The following IQSEC1 variants were observed in gnomAD, a reference collection of about 807,000 sequenced individuals.
IQSEC1 encodes the protein IQ motif and Sec7 domain ArfGEF 1.
In IQSEC1, 31 loss-of-function variants were observed where a neutral mutation model predicts 91.0. The observed-to-expected ratio is 0.34, with a 90% confidence interval of 0.26 to 0.46. The LOEUF is 0.46. Among genes scored for constraint, IQSEC1 ranks in the 20% least tolerant of loss-of-function variants. The pLI, the probability that IQSEC1 is intolerant of heterozygous loss-of-function variation, is 1.00. For synonymous variants in IQSEC1, 699 were observed against 662.6 expected (o/e 1.05, Z -0.84); for missense variants, 1,388 against 1,575.6 (o/e 0.88, Z 2.02).
chr3:13,062,162 C>T (rs545853391), intron 1 of IQSEC1, among the ~76,000 whole-genome samples: 26 of 152,292 alleles, frequency 1.7e-4, no homozygotes, highest in Middle Eastern at 3.4e-3. Flanking sequence ...CCGTTTGCCA[C>T]CCAAAGGCTC....
At chr3:13,126,769 T>G (rs186684450) in intron 2 of IQSEC1, among the ~76,000 whole-genome samples, 30 of 152,330 alleles carry the variant, frequency 2.0e-4, no homozygotes, top group African/African-American at 6.7e-4. Context: ...TTCTTTAATA[T>G]GCAATGATGC....
intron 1 of IQSEC1, among the ~76,000 whole-genome samples, chr3:13,189,908 C>T (rs1693992992): frequency 1.3e-5 from 2 of 152,226 alleles, no homozygotes; most frequent in Non-Finnish European, 2.9e-5. Context: ...GGCCCTCATC[C>T]TGTTGCTGAC....
At chr3:13,258,599 T>C (rs917956878) in intron 1 of IQSEC1, among the ~76,000 whole-genome samples, 2 of 151,950 alleles carry the variant, frequency 1.3e-5, no homozygotes, top group African/African-American at 2.4e-5. Flanking sequence ...GGTGGGAGGA[T>C]CACTTGAGCG....
At chr3:12,999,547 C>A (rs577610099) in intron 1 of IQSEC1, among the ~76,000 whole-genome samples, 1 of 152,144 alleles carries the variant, frequency 6.6e-6, no homozygotes, top group African/African-American at 2.4e-5. Flanking sequence ...CAGCACTGGG[C>A]GCCCACGTGG....
intron 1 of IQSEC1, among the ~76,000 whole-genome samples, chr3:12,984,464 C>T (rs1184530081): frequency 6.6e-6 from 1 of 152,200 alleles, no homozygotes; most frequent in Non-Finnish European, 1.5e-5. Flanking sequence ...ATGCAGTGCA[C>T]AACCTGAGTA....
chr3:13,069,641 G>A lies in IQSEC1; in HGVS notation c.23+3351C>T, dbSNP rs191183745. On this transcript the variant is annotated intron_variant, in intron 1 of 13. Coordinates refer to ENST00000613206, the MANE Select transcript of IQSEC1 (RefSeq NM_001134382.3). ...AATGATTGAACAGGCATGGGTAGGC[G>A]AGTGCTCCACTGGCCTGGCCAAGCA... Among the ~76,000 whole-genome samples, 24 of 152,318 alleles carry A rather than the reference G, an allele frequency of 1.6e-4. No individual in the cohort carries two copies. The East Asian group carries it at 3.5e-3, about 22-fold the overall frequency.
intron 2 of IQSEC1, among the ~76,000 whole-genome samples, chr3:12,937,058 G>C (rs1261265014): frequency 6.6e-6 from 1 of 151,664 alleles, no homozygotes; most frequent in Non-Finnish European, 1.5e-5. Context: ...TCAACCTCCC[G>C]AGTAGCTGGG....
Position 12,899,904 on chromosome 3 carries a change from G to C in IQSEC1, c.*1079C>G, listed in dbSNP as rs953407679. 3.2e-5 allele frequency: 32 copies of C among 985,126 alleles called. No individual in the cohort carries two copies. In the African/African-American group the frequency reaches 4.9e-4, roughly 15 times the overall value. The allele number at this position is 985,126 out of a possible 1,614,324, so 61.0% of individuals were successfully genotyped here. ...CATGTTGGAGATGAACACTTCTGCC[G>C]TGTATGGGTGCCCCTCTCGGAGGAC... On this transcript the variant is annotated 3_prime_UTR_variant, in exon 14 of 14. Transcript: ENST00000613206.
At chr3:13,146,905 G>A (rs1706907404) in intron 2 of IQSEC1, among the ~76,000 whole-genome samples, 1 of 152,194 alleles carries the variant, frequency 6.6e-6, no homozygotes, top group Non-Finnish European at 1.5e-5. Context: ...CGTGGGTGTG[G>A]AAGTCAAGGG....
At chr3:13,245,823 G>A (rs1204646447) in intron 1 of IQSEC1, among the ~76,000 whole-genome samples, 2 of 150,796 alleles carry the variant, frequency 1.3e-5, no homozygotes, top group Non-Finnish European at 2.9e-5. Context: ...AAGCCGTTTC[G>A]CAATCACCCC....
At chr3:13,256,252 A>G (rs1165493815) in intron 1 of IQSEC1, among the ~76,000 whole-genome samples, 1 of 152,206 alleles carries the variant, frequency 6.6e-6, no homozygotes, top group Non-Finnish European at 1.5e-5. Context: ...TGTCCACGAC[A>G]TGTTCCCACA....
At chr3:13,013,196 A>G (rs992974216) in intron 1 of IQSEC1, among the ~76,000 whole-genome samples, 2 of 152,062 alleles carry the variant, frequency 1.3e-5, no homozygotes, top group African/African-American at 2.4e-5. Flanking sequence ...CCTGACCTCA[A>G]GTGATCCGCC....
At chr3:13,172,025 T>C (rs9875054) in intron 1 of IQSEC1, among the ~76,000 whole-genome samples, 68,379 of 151,958 alleles carry the variant, frequency 0.45, 18,383 homozygotes, top group African/African-American at 0.76. Context: ...GAGCGGTGAG[T>C]CTAAGCAGGC....
At chr3:13,276,255 A>C (rs1021017878) in intron 1 of IQSEC1, among the ~76,000 whole-genome samples, 5 of 151,616 alleles carry the variant, frequency 3.3e-5, no homozygotes, top group Non-Finnish European at 7.4e-5. Context: ...CGCCAGGCTA[A>C]TTTTTTGTAT....
rs561660832 is a variant in IQSEC1 at position 13,149,544 on chromosome 3, G to A, written c.302+14560C>T. Among the ~76,000 whole-genome samples the A allele has an allele frequency of 2.6e-5, 4 of 152,240 alleles. No individual in the cohort carries two copies. In the South Asian group the frequency reaches 8.3e-4, roughly 32 times the overall value. On this transcript the variant is annotated intron_variant, in intron 2 of 15. Coordinates refer to the IQSEC1 transcript ENST00000648114. Reference sequence around the variant, plus strand: ...GAGGGGAGAGGGTGTCCCCGGGGGAGGACGCAGCCTGTCAAAGGCCCGGAG... The same window carrying A: ...GAGGGGAGAGGGTGTCCCCGGGGGAAGACGCAGCCTGTCAAAGGCCCGGAG...
chr3:13,094,448 A>G (rs1705920841), intron 2 of IQSEC1, among the ~76,000 whole-genome samples: 2 of 152,164 alleles, frequency 1.3e-5, no homozygotes, highest in Non-Finnish European at 2.9e-5. Flanking sequence ...ATCATATACA[A>G]AACACAAACC....
chr3:13,159,623 A>G (rs889671406), intron 2 of IQSEC1, among the ~76,000 whole-genome samples: 3 of 151,038 alleles, frequency 2.0e-5, no homozygotes, highest in African/African-American at 4.9e-5. Flanking sequence ...CTCAGCCTCA[A>G]TTTCCCAGAG....
At chr3:13,030,099 C>T (rs1703788274) in intron 1 of IQSEC1, among the ~76,000 whole-genome samples, 1 of 152,198 alleles carries the variant, frequency 6.6e-6, no homozygotes, top group Non-Finnish European at 1.5e-5. Context: ...CCATCATGCT[C>T]TGTCTAAAAT....
chr3:12,971,586 GAA>G (rs1297211388), intron 1 of IQSEC1, among the ~76,000 whole-genome samples: 4 of 152,182 alleles, frequency 2.6e-5, no homozygotes, highest in African/African-American at 9.7e-5. Flanking sequence ...AGAAAAATGT[GAA>G]GTGTATTTAT....
Sources: gnomAD v4.1 joint callset for allele counts (sites outside exome capture counted in the v4.1 genomes callset) on GRCh38, gnomAD v4.1.1 for gene constraint, MANE v1.5 for transcripts, NCBI Gene and HGNC (gene_info 2026-07-23, HGNC 2026-07-21) for gene names.